CLVS1: variants seen among roughly 807,000 people sequenced by gnomAD.
The protein encoded by CLVS1 is clavesin 1.
Under a neutral mutation model 33.1 loss-of-function variants are expected in CLVS1, and 10 were observed. That is an observed-to-expected ratio of 0.30 (90% CI 0.19 to 0.51). The LOEUF (loss-of-function observed/expected upper bound fraction) is 0.51, where lower values mean the gene tolerates loss of function less well. Among genes scored for constraint, CLVS1 ranks in the 20% least tolerant of loss-of-function variants. The probability of loss-of-function intolerance (pLI) is 0.97; values close to 1 mark genes in which losing one functional copy is unlikely to be tolerated. For missense variants in CLVS1, 343 were observed against 433.4 expected, an observed-to-expected ratio of 0.79 and a Z score of 1.85; for synonymous variants, 163 against 166.1, an observed-to-expected ratio of 0.98 and a Z score of 0.14.
chr8:60,980,166 C>T, the CLVS1 span, among the ~76,000 whole-genome samples: 4 of 152,148 alleles, frequency 2.6e-5, no homozygotes, highest in East Asian at 1.9e-4. Context: ...GTTTGCAAAG[C>T]GTGTATTTTA....
chr8:61,131,029 ATT>A (rs1806084943), intron 1 of CLVS1, among the ~76,000 whole-genome samples: 3 of 152,080 alleles, frequency 2.0e-5, no homozygotes. Flanking sequence ...CTTCGAGGTT[ATT>A]TTTCTATGTG....
chr8:61,334,271 T>C (rs1811704177), intron 2 of CLVS1, among the ~76,000 whole-genome samples: 1 of 152,234 alleles, frequency 6.6e-6, no homozygotes, highest in South Asian at 2.1e-4. Flanking sequence ...AAGGAGACAC[T>C]CTTAAACAAA....
intron 2 of CLVS1, among the ~76,000 whole-genome samples, chr8:61,346,421 G>C (rs1360066052): frequency 2.6e-5 from 4 of 152,076 alleles, no homozygotes; most frequent in Non-Finnish European, 4.4e-5. Flanking sequence ...ACTAAATCGG[G>C]TGAGAAAATA....
chr8:61,418,385 T>C (rs984017415), intron 3 of CLVS1, among the ~76,000 whole-genome samples: 3 of 152,228 alleles, frequency 2.0e-5, no homozygotes, highest in Middle Eastern at 3.4e-3. Context: ...TAATGCATGC[T>C]TTTTTTACCT....
intron 1 of CLVS1, among the ~76,000 whole-genome samples, chr8:61,121,032 G>T (rs1805853629): frequency 6.6e-6 from 1 of 151,770 alleles, no homozygotes; most frequent in South Asian, 2.1e-4. Flanking sequence ...GAGACTCCGT[G>T]GGCGTAGGAC....
chr8:61,110,746 C>T (rs112983283), intron 1 of CLVS1, among the ~76,000 whole-genome samples: 132 of 152,268 alleles, frequency 8.7e-4, no homozygotes, highest in African/African-American at 2.7e-3. Context: ...CCTTCTGTCT[C>T]GAGAAATTTG....
intron 5 of CLVS1, among the ~76,000 whole-genome samples, chr8:61,460,106 T>A (rs908758253): frequency 6.6e-6 from 1 of 152,200 alleles, no homozygotes; most frequent in Non-Finnish European, 1.5e-5. Context: ...CTTCAACATA[T>A]GAACTTGGGG....
intron 1 of CLVS1, among the ~76,000 whole-genome samples, chr8:61,288,767 A>AG (rs1809869646): frequency 6.6e-6 from 1 of 152,222 alleles, no homozygotes. Context: ...GAGAATCACC[A>AG]GGAAGCAGGG....
At chr8:61,034,370 ATTT>A in the CLVS1 span, among the ~76,000 whole-genome samples, 2 of 137,456 alleles carry the variant, frequency 1.5e-5, no homozygotes, top group African/African-American at 2.9e-5. Flanking sequence ...AATACTTATC[ATTT>A]TTTTTTTGTG....
chr8:60,979,697 G>C, the CLVS1 span, among the ~76,000 whole-genome samples: 1 of 152,172 alleles, frequency 6.6e-6, no homozygotes. Context: ...GTGAGGAAGT[G>C]GTGCTTAGAA....
At chr8:61,212,508 G>C (rs949004436) in intron 2 of CLVS1, among the ~76,000 whole-genome samples, 2 of 152,160 alleles carry the variant, frequency 1.3e-5, no homozygotes, top group African/African-American at 2.4e-5. Flanking sequence ...CGACACAGAG[G>C]AGCCATTGAA....
At chr8:61,263,503 C>T (rs776487051) in intron 2 of CLVS1, among the ~76,000 whole-genome samples, 6 of 152,190 alleles carry the variant, frequency 3.9e-5, no homozygotes, top group Non-Finnish European at 7.3e-5. Context: ...TAACTCCTTT[C>T]GTCGGCTCTT....
At chr8:61,056,759 G>C (rs774590012), upstream of CLVS1, among the ~76,000 whole-genome samples, 2 of 152,142 alleles carry the variant, frequency 1.3e-5, no homozygotes, top group African/African-American at 2.4e-5. Context: ...TATTCTTCTT[G>C]ATTCCTTAAT....
intron 5 of CLVS1, among the ~76,000 whole-genome samples, chr8:61,475,715 G>C (rs1308694964): frequency 2.0e-5 from 3 of 152,132 alleles, no homozygotes; most frequent in Non-Finnish European, 2.9e-5. Flanking sequence ...CAGATGAGTA[G>C]GTTGCAAAAC....
intron 2 of CLVS1, among the ~76,000 whole-genome samples, chr8:61,236,359 G>A (rs1483858510): frequency 3.3e-5 from 5 of 152,176 alleles, no homozygotes; most frequent in African/African-American, 9.6e-5. Context: ...TGTTCAGCTC[G>A]TACATCATGG....
chr8:61,290,411 G>A (rs1809943440), intron 1 of CLVS1, among the ~76,000 whole-genome samples: 1 of 152,106 alleles, frequency 6.6e-6, no homozygotes, highest in Non-Finnish European at 1.5e-5. Context: ...TTTTTATAAT[G>A]GATTTAAAGG....
intron 2 of CLVS1, among the ~76,000 whole-genome samples, chr8:61,183,361 G>T (rs1392060500): frequency 6.6e-6 from 1 of 152,154 alleles, no homozygotes; most frequent in African/African-American, 2.4e-5. Flanking sequence ...ATTAATTAAA[G>T]ATTATGTAAC....
At chr8:61,383,484 A>G (rs900262298) in intron 3 of CLVS1, among the ~76,000 whole-genome samples, 4 of 152,202 alleles carry the variant, frequency 2.6e-5, no homozygotes, top group Admixed American at 6.5e-5. Flanking sequence ...GAAGTTTTTT[A>G]ATTCATGTTT....
At chr8:61,309,291 G>C (rs899821175) in intron 2 of CLVS1, among the ~76,000 whole-genome samples, 1 of 152,188 alleles carries the variant, frequency 6.6e-6, no homozygotes, top group Admixed American at 6.5e-5. Context: ...TTAATGGAAT[G>C]AATCCGAGTC....
Sources: allele counts gnomAD v4.1 joint callset (sites outside exome capture counted in the v4.1 genomes callset), GRCh38; gene constraint gnomAD v4.1.1; transcripts MANE v1.5; gene names NCBI Gene and HGNC (gene_info 2026-07-23, HGNC 2026-07-21).